The following NRXN1 variants were observed in gnomAD, a reference collection of about 807,000 sequenced individuals.
NRXN1 encodes the protein neurexin 1.
NRXN1 carries 39 observed loss-of-function variants against 150.9 expected under a neutral mutation model. The observed-to-expected ratio is 0.26, with a 90% confidence interval of 0.20 to 0.34. The LOEUF (loss-of-function observed/expected upper bound fraction) is 0.34, where lower values mean the gene tolerates loss of function less well. Ranked by LOEUF, NRXN1 falls within the 10% of genes least tolerant of loss-of-function variation. NRXN1 has a pLI of 1.00. For missense variants in NRXN1, 1,815 were observed against 1,949.9 expected (o/e 0.93, Z 1.30); for synonymous variants, 924 against 757.0 (o/e 1.22, Z -3.62).
At chr2:50,376,187 A>T (rs1403956825) in intron 17 of NRXN1, among the ~76,000 whole-genome samples, 2 of 152,032 alleles carry the variant, frequency 1.3e-5, no homozygotes, top group Non-Finnish European at 2.9e-5. Context: ...GCTTCTAAAA[A>T]ACCTAGAAAA....
At chr2:50,812,424 C>T (rs531326315) in intron 5 of NRXN1, among the ~76,000 whole-genome samples, 28 of 152,118 alleles carry the variant, frequency 1.8e-4, no homozygotes, top group African/African-American at 2.6e-4. Flanking sequence ...AAATTACAGA[C>T]GACAAGCATT....
chr2:50,434,462 A>G (rs1329485003), intron 17 of NRXN1, among the ~76,000 whole-genome samples: 1 of 152,046 alleles, frequency 6.6e-6, no homozygotes, highest in Non-Finnish European at 1.5e-5. Context: ...AACTACCACT[A>G]CCTCTCAAAG....
intron 5 of NRXN1, among the ~76,000 whole-genome samples, chr2:50,809,366 T>C (rs190347750): frequency 1.2e-4 from 19 of 152,214 alleles, no homozygotes. Flanking sequence ...GCTAAGGAAT[T>C]AATGTCATCC....
intron 5 of NRXN1, among the ~76,000 whole-genome samples, chr2:50,783,977 A>G (rs1329445029): frequency 6.6e-6 from 1 of 152,132 alleles, no homozygotes; most frequent in Non-Finnish European, 1.5e-5. Context: ...AGTAACAAAT[A>G]TTCAACACTT....
rs543347609 is a variant in NRXN1 at position 50,164,825 on chromosome 2, C to G, written c.3546+71964G>C. On this transcript the variant is annotated intron_variant, in intron 18 of 22. Coordinates refer to ENST00000401669, the MANE Select transcript of NRXN1 (RefSeq NM_001330078.2). ...TGTTCTCCGTTCTCCGTCAAAACAC[C>G]CAATTTAAGTGCGATTGAACTCCAA... 2.6e-5 allele frequency among the ~76,000 whole-genome samples: 4 copies of G among 152,200 alleles called. No homozygotes were observed. In the East Asian group the frequency reaches 7.7e-4, roughly 29 times the overall value.
At chr2:50,804,282 A>C (rs1023732573) in intron 5 of NRXN1, among the ~76,000 whole-genome samples, 4 of 152,204 alleles carry the variant, frequency 2.6e-5, no homozygotes, top group Non-Finnish European at 5.9e-5. Context: ...ACTAATAAGC[A>C]AAGGCGAGTT....
intron 17 of NRXN1, among the ~76,000 whole-genome samples, chr2:50,418,847 ACT>A (rs1201104927): frequency 1.3e-5 from 2 of 151,794 alleles, no homozygotes; most frequent in Non-Finnish European, 2.9e-5. Context: ...CCATTAATCT[ACT>A]CTGAGTATGT....
chr2:49,923,527 T>C (rs972759220), intron 22 of NRXN1, among the ~76,000 whole-genome samples: 2 of 152,200 alleles, frequency 1.3e-5, no homozygotes, highest in Non-Finnish European at 2.9e-5. Flanking sequence ...TTCATGTATA[T>C]GTAAGAACTG....
At chr2:50,950,555 G>C (rs1032198588) in intron 2 of NRXN1, among the ~76,000 whole-genome samples, 1 of 152,142 alleles carries the variant, frequency 6.6e-6, no homozygotes, top group Admixed American at 6.5e-5. Flanking sequence ...TTAACATTTT[G>C]TATCGGATAA....
At chr2:50,034,485 C>T (rs1051273204) in intron 21 of NRXN1, among the ~76,000 whole-genome samples, 4 of 151,736 alleles carry the variant, frequency 2.6e-5, no homozygotes, top group Non-Finnish European at 5.9e-5. Context: ...GACACCGGGA[C>T]CTAGTGGAGG....
At chr2:50,472,790 C>G (rs1219471829) in intron 15 of NRXN1, among the ~76,000 whole-genome samples, 3 of 117,918 alleles carry the variant, frequency 2.5e-5, no homozygotes, top group East Asian at 5.4e-4. Flanking sequence ...GCAAGCCCTA[C>G]AGCCTTGTGT....
chr2:50,623,128 C>T (rs530424817), intron 6 of NRXN1, among the ~76,000 whole-genome samples, 186 bp downstream of exon 6: 1 of 152,100 alleles, frequency 6.6e-6, no homozygotes, highest in East Asian at 1.9e-4. Flanking sequence ...AGCCTTTGGG[C>T]TCCCAGAACT....
rs538743797 is a variant in NRXN1, at chr2:50,257,482, A to C, written c.3365-20512T>G. ...TACTTTCTCCACCTTTTGAGATTTA[A>C]ATCTTCTCCCAGCTTTTTGCCAGAT... On this transcript the variant is annotated intron_variant, in intron 17 of 22. Transcript: ENST00000401669. 2.0e-5 allele frequency among the ~76,000 whole-genome samples: 3 copies of C among 152,156 alleles called. No individual in the cohort carries two copies. In the South Asian group the frequency reaches 6.2e-4, roughly 32 times the overall value.
chr2:50,776,473 C>T (rs1249176615), intron 5 of NRXN1, among the ~76,000 whole-genome samples: 1 of 151,792 alleles, frequency 6.6e-6, no homozygotes, highest in African/African-American at 2.4e-5. Flanking sequence ...GTTGCAATAA[C>T]CTTTTGAGGC....
At chr2:50,811,169 A>G (rs1668161955) in intron 5 of NRXN1, among the ~76,000 whole-genome samples, 1 of 152,134 alleles carries the variant, frequency 6.6e-6, no homozygotes, top group African/African-American at 2.4e-5. Flanking sequence ...TAAATATAAT[A>G]CATATCCTTT....
At chr2:50,723,796 G>A (rs148475091) in intron 5 of NRXN1, among the ~76,000 whole-genome samples, 19 of 152,296 alleles carry the variant, frequency 1.2e-4, no homozygotes, top group Non-Finnish European at 2.5e-4. Flanking sequence ...TGTTTCTGGA[G>A]AGGCCTCTGA....
chr2:50,455,008 G>T (rs555405197), intron 17 of NRXN1, among the ~76,000 whole-genome samples: 1 of 152,140 alleles, frequency 6.6e-6, no homozygotes, highest in South Asian at 2.1e-4. Context: ...CCAAATGAGG[G>T]CATCATTTAG....
At chr2:49,984,540 G>A (rs1341723586) in intron 21 of NRXN1, among the ~76,000 whole-genome samples, 1 of 152,030 alleles carries the variant, frequency 6.6e-6, no homozygotes, top group East Asian at 1.9e-4. Context: ...GTGAAGGGGG[G>A]CTCCTTTCTC....
intron 2 of NRXN1, among the ~76,000 whole-genome samples, chr2:50,960,365 T>C (rs1174610732): frequency 7.3e-6 from 1 of 137,330 alleles, no homozygotes; most frequent in Non-Finnish European, 1.6e-5. Context: ...CTTTCCTACC[T>C]AGCAATGTAA....
Sources: gnomAD v4.1 joint callset for allele counts (sites outside exome capture counted in the v4.1 genomes callset) on GRCh38, gnomAD v4.1.1 for gene constraint, MANE v1.5 for transcripts, NCBI Gene and HGNC (gene_info 2026-07-23, HGNC 2026-07-21) for gene names.